Variants in TDRD9 observed in about 807,000 individuals in gnomAD.
TDRD9 encodes tudor domain containing 9.
A neutral mutation model predicts 172.6 loss-of-function variants in TDRD9; 124 were observed. The observed-to-expected ratio is 0.72, with a 90% CI of 0.62 to 0.83. TDRD9 has a LOEUF of 0.83. Among genes scored for constraint, TDRD9 ranks in the 40% least tolerant of loss-of-function variants. The pLI is 0.00. For missense variants in TDRD9, 1,479 were observed against 1,714.1 expected, an observed-to-expected ratio of 0.86 and a Z score of 2.42; for synonymous variants, 619 against 617.1, an observed-to-expected ratio of 1.00 and a Z score of -0.05.
chr14:103,951,660 G>C (rs2031875676), intron 1 of TDRD9, among the ~76,000 whole-genome samples: 1 of 152,302 alleles, frequency 6.6e-6, no homozygotes, highest in African/African-American at 2.4e-5. Flanking sequence ...TGTAGAAGCT[G>C]TTCTCATTAA....
intron 1 of TDRD9, chr14:103,940,651 G>C: frequency 1.8e-6 from 1 of 571,340 alleles, no homozygotes; most frequent in South Asian, 2.5e-5. Flanking sequence ...AGCATGTTTA[G>C]AGTGGTTAAA....
intron 1 of TDRD9, among the ~76,000 whole-genome samples, chr14:103,955,018 C>A (rs1481975779): frequency 6.6e-6 from 1 of 152,014 alleles, no homozygotes; most frequent in Non-Finnish European, 1.5e-5. Flanking sequence ...CCTCCACTTC[C>A]TGACTCAAGG....
At position 103,961,593 on chromosome 14, in the gene TDRD9, A is replaced by G. The variant is rs76759823; in HGVS notation, c.323-1486A>G. ...AGAAAAAAGAAAAAGAAAAAAGGAA[A>G]AAAAAAAAAGCCATATCGGCAGGAC... On this transcript the variant is annotated intron_variant, in intron 2 of 35. Transcript: ENST00000409874. Among the ~76,000 whole-genome samples the G allele has an allele frequency of 6.7e-3, 966 of 145,032 alleles. 9 individuals are homozygous for G. Among genetic ancestry groups the G allele is most frequent in the African/African-American group, 0.022 (913 of 41,030 alleles).
rs984986529 is a variant in TDRD9, at chr14:104,049,816, G to A, written c.4047+136G>A. Reference sequence around the variant, plus strand: ...GACAGGAGGCAAAGTGGATGGCTTTGGGGGCCAGCTGGCAAATGTCTCAGA... The same window carrying A: ...GACAGGAGGCAAAGTGGATGGCTTTAGGGGCCAGCTGGCAAATGTCTCAGA... On this transcript the variant is annotated intron_variant, in intron 35 of 35. Transcript: ENST00000409874. 8.9e-6 allele frequency: 6 copies of A among 677,026 alleles called. No homozygotes were observed. In the Admixed American group the frequency reaches 1.7e-4, roughly 19 times the overall value. 41.9% of individuals were successfully genotyped at this position (677,026 alleles called of 1,614,324 possible).
chr14:104,047,798 G>A (rs1213263332), intron 34 of TDRD9, among the ~76,000 whole-genome samples: 1 of 152,182 alleles, frequency 6.6e-6, no homozygotes, highest in Non-Finnish European at 1.5e-5. Context: ...CGACGTGGAT[G>A]CGGTACAGAG....
At chr14:104,046,890 C>T (rs1446435875) in intron 34 of TDRD9, among the ~76,000 whole-genome samples, 2 of 152,184 alleles carry the variant, frequency 1.3e-5, no homozygotes, top group Non-Finnish European at 2.9e-5. Flanking sequence ...TTGTGATCCG[C>T]CCACCTCGGC....
chr14:104,047,761 C>G (rs1316205024), intron 34 of TDRD9, among the ~76,000 whole-genome samples: 5 of 152,154 alleles, frequency 3.3e-5, no homozygotes, highest in Non-Finnish European at 7.4e-5. Context: ...CCTAAGGTTA[C>G]TGATCCTTTA....
Position 103,965,057 on chromosome 14 carries a change from C to T in TDRD9, c.421-276C>T, listed in dbSNP as rs371896416. Among the ~76,000 whole-genome samples the T allele has an allele frequency of 4.6e-5, 7 of 151,986 alleles. No homozygotes were observed. The East Asian group carries it at 5.9e-4, about 13-fold the overall frequency. On this transcript the variant is annotated intron_variant, in intron 3 of 35. Coordinates refer to ENST00000409874, the MANE Select transcript of TDRD9 (RefSeq NM_153046.3). ...AGAAACCCTGTCTCTACCAGAAATA[C>T]AAAAATTAGCTGGGTGTGGTGGTAC...
In TDRD9 at chr14:104,026,057, T is replaced by C; in HGVS notation, c.2942T>C (p.Val981Ala). The C allele has an allele frequency of 6.2e-7, 1 of 1,606,258 alleles. No individual in the cohort carries two copies. The highest frequency in any genetic ancestry group is 8.5e-7 in the Non-Finnish European group (1 of 1,172,892). Reference sequence around the variant, plus strand: ...TGCTTTATTTTCTAGGTATTCTTTGTAGATTATGGCAATAAGTCTCATGTA... The same window carrying C: ...TGCTTTATTTTCTAGGTATTCTTTGCAGATTATGGCAATAAGTCTCATGTA... Reference protein sequence around the residue: ...VSGNSAEVFFVDYGNKSHVDL... With the variant: ...VSGNSAEVFFADYGNKSHVDL... Residue 981 changes from valine (V) to alanine (A), a missense_variant, in exon 27 of 36, where the codon GTA becomes GCA. Val to Ala is a moderately conservative substitution (Grantham distance 64, BLOSUM62 0). Coordinates refer to ENST00000409874, the MANE Select transcript of TDRD9 (RefSeq NM_153046.3).
chr14:104,048,542 C>A (rs1695101620), intron 34 of TDRD9, among the ~76,000 whole-genome samples: 2 of 152,160 alleles, frequency 1.3e-5, no homozygotes, highest in Admixed American at 1.3e-4. Context: ...AAGGCTTCTG[C>A]CCTTTGCCAT....
Position 103,980,893 on chromosome 14 carries a change from C to G in TDRD9, c.1012-5324C>G, listed in dbSNP as rs61997574. Among the ~76,000 whole-genome samples the G allele has an allele frequency of 2.4e-3, 370 of 152,226 alleles. 3 individuals carry two copies. The highest frequency in any genetic ancestry group is 0.01 in the Middle Eastern group (3 of 294). On this transcript the variant is annotated intron_variant, in intron 7 of 35. Transcript: ENST00000409874. The surrounding 1 kb of genome is among the most constrained non-coding windows in gnomAD (Gnocchi z 4.5). The stretch of plus-strand genomic sequence containing the variant: ...TCTTCTGGTCACTTCTCACTATGTC[C>G]CCTCAGCTCCTGTCTCTGTATGGCC...
intron 23 of TDRD9, among the ~76,000 whole-genome samples, chr14:104,021,724 T>G (rs557336909): frequency 2.0e-5 from 3 of 152,268 alleles, no homozygotes; most frequent in African/African-American, 7.2e-5. Context: ...TTTAATGCTT[T>G]TTTTGAAGGG....
At chr14:104,002,975 C>T (rs529691313) in intron 13 of TDRD9, among the ~76,000 whole-genome samples, 22 of 152,122 alleles carry the variant, frequency 1.4e-4, no homozygotes, top group African/African-American at 5.3e-4. Context: ...GTGATCTGCC[C>T]GCCTCGGCCT....
At chr14:103,955,084 C>T (rs1323046667) in intron 1 of TDRD9, among the ~76,000 whole-genome samples, 9 of 151,920 alleles carry the variant, frequency 5.9e-5, no homozygotes, top group East Asian at 5.8e-4. Flanking sequence ...AGCCCACACC[C>T]GGCTCATTTC....
intron 22 of TDRD9, among the ~76,000 whole-genome samples, chr14:104,016,860 C>T (rs1411101826): frequency 2.0e-5 from 3 of 152,176 alleles, no homozygotes. Flanking sequence ...GTTATTGTTA[C>T]ACCACCACTG....
At chr14:103,965,972 AAAAG>A in intron 4 of TDRD9, among the ~76,000 whole-genome samples, 1 of 151,902 alleles carries the variant, frequency 6.6e-6, no homozygotes, top group East Asian at 1.9e-4. Context: ...AACAAACAAA[AAAAG>A]AAACCAGCTG....
chr14:104,006,927 A>G, intron 18 of TDRD9, 82 bp downstream of exon 18: 1 of 1,218,500 alleles, frequency 8.2e-7, no homozygotes, highest in Non-Finnish European at 1.2e-6. Flanking sequence ...TATGAGGTAG[A>G]GACAGACAAT....
chr14:103,954,983 G>A (rs1425445580), intron 1 of TDRD9, among the ~76,000 whole-genome samples: 1 of 151,606 alleles, frequency 6.6e-6, no homozygotes, highest in African/African-American at 2.4e-5. Flanking sequence ...CTGGAGTGCA[G>A]TGGCATAATC....
intron 5 of TDRD9, among the ~76,000 whole-genome samples, chr14:103,968,896 T>C (rs548693823): frequency 6.8e-6 from 1 of 148,074 alleles, no homozygotes; most frequent in Non-Finnish European, 1.5e-5. Flanking sequence ...GTCAGGAGAT[T>C]GAGACCATCT....
Sources: allele counts gnomAD v4.1 joint callset (sites outside exome capture counted in the v4.1 genomes callset), GRCh38; gene constraint gnomAD v4.1.1; non-coding constraint Gnocchi (gnomAD v3.1); transcripts MANE v1.5; gene names NCBI Gene and HGNC (gene_info 2026-07-23, HGNC 2026-07-21).